PANK4: variants seen among roughly 807,000 people sequenced by gnomAD.
PANK4 encodes pantothenate kinase 4 (inactive).
PANK4 carries 40 observed loss-of-function variants against 87.9 expected under a neutral mutation model. The ratio of observed to expected loss-of-function variants is 0.46; its 90% CI spans 0.35 to 0.59. The LOEUF is 0.59. PANK4 is among the 20% of genes least tolerant of loss of function. The pLI, the probability that PANK4 is intolerant of heterozygous loss-of-function variation, is 0.00. For synonymous variants in PANK4, 524 were observed against 467.4 expected (o/e 1.12, Z -1.56); for missense variants, 926 against 1,072.3 (o/e 0.86, Z 1.90).
At chr1:2,518,299 C>T (rs1160576483) in intron 8 of PANK4, 35 bp from the exon 9 acceptor site, 3 of 1,462,192 alleles carry the variant, frequency 2.1e-6, no homozygotes, top group East Asian at 4.5e-5. Flanking sequence ...TTGTGTTAAC[C>T]TTGCCCTTGA....
Position 2,509,750 on chromosome 1 carries a change from G to A in PANK4, c.2108+112C>T. 1 of 901,774 alleles carries A rather than the reference G, an allele frequency of 1.1e-6. No individual in the cohort carries two copies. The highest frequency in any genetic ancestry group is 2.0e-5 in the Admixed American group (1 of 49,360). The allele number at this position is 901,774 out of a possible 1,614,324, so 55.9% of individuals were successfully genotyped here. ...TCAATCCGGGCCTGGGGTCAGGAGA[G>A]GCCGCAGGGGCAGTCCTGAGGTCGG... On this transcript the variant is annotated intron_variant, in intron 18 of 18. Transcript: ENST00000378466. The surrounding 1 kb of genome is among the most constrained non-coding windows in gnomAD (Gnocchi z 4.9).
rs576309034 is a variant in PANK4 at position 2,513,890 on chromosome 1, C to G, written c.1575+112G>C. 20 of 816,976 alleles carry G rather than the reference C, an allele frequency of 2.4e-5. No individual in the cohort carries two copies. In the African/African-American group the frequency reaches 3.0e-4, roughly 12 times the overall value. The allele number at this position is 816,976 out of a possible 1,614,324, so 50.6% of individuals were successfully genotyped here. A position where few individuals can be genotyped will look rare whatever the true frequency, so the allele number is the denominator to read the frequency against. ...GGAGTTGGGGCCGCTACCAAACCTG[C>G]ATGGCCTCAGACAGGACAGGATGCC... On this transcript the variant is annotated intron_variant, in intron 12 of 18. Transcript: ENST00000378466.
intron 2 of PANK4, 106 bp from the exon 3 acceptor site, chr1:2,521,421 C>G (rs1643874379): frequency 7.3e-6 from 7 of 956,338 alleles, no homozygotes; most frequent in African/African-American, 1.6e-5. Flanking sequence ...AGCCTTCAAC[C>G]AGGCGGCGCT....
rs774043647 is a variant in PANK4, at chr1:2,509,723, G to A, written c.2108+139C>T. 4 of 724,182 alleles carry A rather than the reference G, an allele frequency of 5.5e-6. No individual in the cohort carries two copies. The highest frequency in any genetic ancestry group is 5.2e-5 in the African/African-American group (3 of 57,292). The allele number at this position is 724,182 out of a possible 1,614,324, so 44.9% of individuals were successfully genotyped here. Reference sequence around the variant, plus strand: ...GGATGGCATATCTGTCCCCTCCTGAGATCAATCCGGGCCTGGGGTCAGGAG... The same window carrying A: ...GGATGGCATATCTGTCCCCTCCTGAAATCAATCCGGGCCTGGGGTCAGGAG... On this transcript the variant is annotated intron_variant, in intron 18 of 18. Coordinates refer to ENST00000378466, the MANE Select transcript of PANK4 (RefSeq NM_018216.4). This position sits in a 1 kb window ranked among gnomAD's most constrained non-coding sequence, Gnocchi z 4.9.
chr1:2,515,973 CCCGCTGCAGCCACACCTCCCCAATCA>C lies in PANK4; in HGVS notation c.1219-282_1219-257del, dbSNP rs534464256. ...ACACGCCTCCTGCCCCCAGCACCTC[CCCGCTGCAGCCACACCTCCCCAATCA>C]CCGCTGCAGTCACCCTCCCATCACC... On this transcript the variant is annotated intron_variant, in intron 9 of 18. Transcript: ENST00000378466. The surrounding 1 kb of genome is among the most constrained non-coding windows in gnomAD (Gnocchi z 5.0). 1,049 of 557,568 alleles carry C rather than the reference CCCGCTGCAGCCACACCTCCCCAATCA, an allele frequency of 1.9e-3. 1 individual carries two copies. The highest frequency in any genetic ancestry group is 2.8e-3 in the Non-Finnish European group (869 of 310,952). The allele number at this position is 557,568 out of a possible 1,614,324, so 34.5% of individuals were successfully genotyped here. A position where few individuals can be genotyped will look rare whatever the true frequency, so the allele number is the denominator to read the frequency against.
In PANK4 at chr1:2,514,101, C is replaced by G. The variant is rs1442150326; in HGVS notation, c.1488-12G>C. On this transcript the variant is annotated splice_polypyrimidine_tract_variant and intron_variant, in intron 11 of 18. Coordinates refer to ENST00000378466, the MANE Select transcript of PANK4 (RefSeq NM_018216.4). Reference sequence around the variant, plus strand: ...GGGTCCCATAGGCGCTGGGGACAGACACGGCAGAGGGCGCTGAGCAGGGCA... The same window carrying G: ...GGGTCCCATAGGCGCTGGGGACAGAGACGGCAGAGGGCGCTGAGCAGGGCA... 1 of 1,605,664 alleles carries G rather than the reference C, an allele frequency of 6.2e-7. No homozygotes were observed.
At position 2,512,917 on chromosome 1, in the gene PANK4, G is replaced by A; in HGVS notation, c.1698C>T (p.Val566=). Residue 566 remains valine, a synonymous_variant, in exon 13 of 19, where the codon GTC becomes GTT. Coordinates refer to ENST00000378466, the MANE Select transcript of PANK4 (RefSeq NM_018216.4). ...ACACGGCTTTGGCCCCCCAGTCGAA[G>A]ACATTCCCCGCCAGGAGGCCTTTCA... ...ALVKGLLAGN[V]FDWGAKAVSA... 6.2e-7 allele frequency: 1 copy of A among 1,612,838 alleles called. No individual in the cohort carries two copies. Among genetic ancestry groups the A allele is most frequent in the Non-Finnish European group, 8.5e-7 (1 of 1,179,894 alleles).
In PANK4 at chr1:2,510,583, A is replaced by G; in HGVS notation, c.1938+95T>C. ...TGCACCTACCTGCTGCGTCCGGAGG[A>G]GCCCCGACCACCGCCAGAGGCCCAC... On this transcript the variant is annotated intron_variant, in intron 16 of 18. Transcript: ENST00000378466. The surrounding 1 kb of genome is among the most constrained non-coding windows in gnomAD (Gnocchi z 4.9). 1.3e-6 allele frequency: 1 copy of G among 751,416 alleles called. No homozygotes were observed. The highest frequency in any genetic ancestry group is 2.1e-5 in the Admixed American group (1 of 47,286). The allele number at this position is 751,416 out of a possible 1,614,324, so 46.5% of individuals were successfully genotyped here. A position where few individuals can be genotyped will look rare whatever the true frequency, so the allele number is the denominator to read the frequency against.
In PANK4 at chr1:2,519,374, G is replaced by A. The variant is rs370688840; in HGVS notation, c.854-50C>T. On this transcript the variant is annotated intron_variant, in intron 6 of 18. Coordinates refer to ENST00000378466, the MANE Select transcript of PANK4 (RefSeq NM_018216.4). This position sits in a 1 kb window ranked among gnomAD's most constrained non-coding sequence, Gnocchi z 8.3. ...TCATCTCCAAGTACAGCAAGTGCAC[G>A]ACATGAGAGCGAGCAGGAGGGGAGG... is the stretch of plus-strand genomic sequence containing the variant. 1.8e-5 allele frequency: 22 copies of A among 1,220,132 alleles called. No individual in the cohort carries two copies. Among genetic ancestry groups the A allele is most frequent in the South Asian group, 1.2e-4 (9 of 75,406 alleles). The allele number at this position is 1,220,132 out of a possible 1,614,324, so 75.6% of individuals were successfully genotyped here. A position where few individuals can be genotyped will look rare whatever the true frequency, so the allele number is the denominator to read the frequency against.
chr1:2,514,213 T>A, intron 11 of PANK4, 124 bp from the exon 12 acceptor site: 2 of 1,123,784 alleles, frequency 1.8e-6, no homozygotes, highest in Non-Finnish European at 2.7e-6. Flanking sequence ...TGAGGCGGGG[T>A]CCAAGGGGGC....
chr1:2,524,763 A>G (rs1337925802), intron 1 of PANK4, among the ~76,000 whole-genome samples: 1 of 152,220 alleles, frequency 6.6e-6, no homozygotes, highest in Non-Finnish European at 1.5e-5. Flanking sequence ...AGAAACATTT[A>G]ATCCCGACTT....
chr1:2,520,996 C>T lies in PANK4; in HGVS notation c.423-90G>A. On this transcript the variant is annotated intron_variant, in intron 3 of 18. Transcript: ENST00000378466. This position sits in a 1 kb window ranked among gnomAD's most constrained non-coding sequence, Gnocchi z 6.2. ...GCCTGGTCCGAAGGGGCAGCCATGC[C>T]CCATGCGCAATCTGACACACGAGCG... 2.6e-6 allele frequency: 4 copies of T among 1,532,896 alleles called. No individual in the cohort carries two copies. The highest frequency in any genetic ancestry group is 1.2e-5 in the South Asian group (1 of 84,652). The allele number at this position is 1,532,896 out of a possible 1,614,324, so 95.0% of individuals were successfully genotyped here. A position where few individuals can be genotyped will look rare whatever the true frequency, so the allele number is the denominator to read the frequency against.
rs1156367969 is a variant in PANK4 at position 2,519,636 on chromosome 1, C to G, written c.853+165G>C. On this transcript the variant is annotated intron_variant, in intron 6 of 18. Transcript: ENST00000378466. This position sits in a 1 kb window ranked among gnomAD's most constrained non-coding sequence, Gnocchi z 8.3. Reference sequence around the variant, plus strand: ...TCTGCCGACGTTCTGAGCAGTGGGCCTGAGCTGCAGCGACTCGGCAGGAAG... The same window carrying G: ...TCTGCCGACGTTCTGAGCAGTGGGCGTGAGCTGCAGCGACTCGGCAGGAAG... Among the ~76,000 whole-genome samples, 5 of 152,238 alleles carry G rather than the reference C, an allele frequency of 3.3e-5. No individual in the cohort carries two copies. In the East Asian group the frequency reaches 9.6e-4, roughly 29 times the overall value.
chr1:2,513,954 C>T (rs984435634), intron 12 of PANK4, 48 bp downstream of exon 12: 7 of 1,352,130 alleles, frequency 5.2e-6, no homozygotes, highest in African/African-American at 4.3e-5. Flanking sequence ...GCGGTGCCAG[C>T]GGGACGGGGA....
At position 2,521,227 on chromosome 1, in the gene PANK4, G is replaced by T. The variant is rs761684792; in HGVS notation, c.296C>A (p.Thr99Asn). 1 of 1,613,788 alleles carries T rather than the reference G, an allele frequency of 6.2e-7. No homozygotes were observed. Among genetic ancestry groups the T allele is most frequent in the South Asian group, 1.1e-5 (1 of 91,090 alleles). The stretch of plus-strand genomic sequence containing the variant: ...GAAGTCCAGGCAGGCTTCGATGTAG[G>T]TATTCTCAAACTTAATGAAGTGCAG... ...ARLHFIKFENTYIEACLDFIK... is the reference protein window; with the variant it reads ...ARLHFIKFENNYIEACLDFIK... Residue 99 changes from threonine to asparagine, a missense_variant, in exon 3 of 19, where the codon ACC becomes AAC. Coordinates refer to ENST00000378466, the MANE Select transcript of PANK4 (RefSeq NM_018216.4).
In PANK4 at chr1:2,515,115, A is replaced by C; in HGVS notation, c.1374+447T>G. The C allele has an allele frequency of 2.8e-6, 1 of 360,100 alleles. No individual in the cohort carries two copies. Among genetic ancestry groups the C allele is most frequent in the Admixed American group, 3.7e-5 (1 of 26,854 alleles). 22.3% of individuals were successfully genotyped at this position (360,100 alleles called of 1,614,324 possible). On this transcript the variant is annotated intron_variant, in intron 10 of 18. Transcript: ENST00000378466. This position sits in a 1 kb window ranked among gnomAD's most constrained non-coding sequence, Gnocchi z 5.0. Reference sequence around the variant, plus strand: ...GGGGCAGCGTGGCCCAGGGCCTGGCATTTGCTCCACGGGACCAGCCCAGCC... The same window carrying C: ...GGGGCAGCGTGGCCCAGGGCCTGGCCTTTGCTCCACGGGACCAGCCCAGCC...
intron 1 of PANK4, among the ~76,000 whole-genome samples, chr1:2,525,333 A>G (rs561201662): frequency 6.6e-6 from 1 of 152,254 alleles, no homozygotes; most frequent in South Asian, 2.1e-4. Context: ...CAGGTTGGGC[A>G]TCCTTTTCGG....
Position 2,520,990 on chromosome 1 carries a change from C to CTGCCCCTTCGGACCAGG in PANK4, c.423-85_423-84insCCTGGTCCGAAGGGGCA. ...AAGCCTGCCTGGTCCGAAGGGGCAG[C>CTGCCCCTTCGGACCAGG]CATGCCCCATGCGCAATCTGACACA... On this transcript the variant is annotated intron_variant, in intron 3 of 18. Coordinates refer to ENST00000378466, the MANE Select transcript of PANK4 (RefSeq NM_018216.4). This position sits in a 1 kb window ranked among gnomAD's most constrained non-coding sequence, Gnocchi z 6.2. The CTGCCCCTTCGGACCAGG allele has an allele frequency of 6.6e-7, 1 of 1,511,892 alleles. No individual in the cohort carries two copies. The highest frequency in any genetic ancestry group is 9.1e-7 in the Non-Finnish European group (1 of 1,102,098). 93.7% of individuals were successfully genotyped at this position (1,511,892 alleles called of 1,614,324 possible). A position where few individuals can be genotyped will look rare whatever the true frequency, so the allele number is the denominator to read the frequency against.
Position 2,515,999 on chromosome 1 carries a change from A to C in PANK4, c.1219-282T>G. The stretch of plus-strand genomic sequence containing the variant: ...CCGCTGCAGCCACACCTCCCCAATC[A>C]CCGCTGCAGTCACCCTCCCATCACC... On this transcript the variant is annotated intron_variant, in intron 9 of 18. Coordinates refer to ENST00000378466, the MANE Select transcript of PANK4 (RefSeq NM_018216.4). The surrounding 1 kb of genome is among the most constrained non-coding windows in gnomAD (Gnocchi z 5.0). 4 of 503,608 alleles carry C rather than the reference A, an allele frequency of 7.9e-6. No homozygotes were observed. The highest frequency in any genetic ancestry group is 2.3e-5 in the South Asian group (1 of 43,652). The allele number at this position is 503,608 out of a possible 1,614,324, so 31.2% of individuals were successfully genotyped here.
Sources: allele counts gnomAD v4.1 joint callset (sites outside exome capture counted in the v4.1 genomes callset), GRCh38; gene constraint gnomAD v4.1.1; non-coding constraint Gnocchi (gnomAD v3.1); transcripts MANE v1.5; gene names NCBI Gene and HGNC (gene_info 2026-07-23, HGNC 2026-07-21).